The following C12orf50 variants were observed in gnomAD, a reference collection of about 807,000 sequenced individuals.
C12orf50 encodes zinc finger CCCH-type containing 11D.
Under a neutral mutation model 61.6 loss-of-function variants are expected in C12orf50, and 35 were observed. The ratio of observed to expected loss-of-function variants is 0.57; its 90% CI spans 0.43 to 0.75. C12orf50 has a LOEUF of 0.75. Ranked by LOEUF, C12orf50 falls within the 30% of genes least tolerant of loss-of-function variation. C12orf50 has a pLI of 0.00. For missense variants in C12orf50, 475 were observed against 488.5 expected (o/e 0.97, Z 0.26); for synonymous variants, 178 against 161.5 (o/e 1.10, Z -0.77).
intron 6 of C12orf50, among the ~76,000 whole-genome samples, chr12:87,995,443 C>T (rs2031337651): frequency 1.3e-5 from 2 of 152,006 alleles, no homozygotes; most frequent in East Asian, 1.9e-4. Context: ...CTTATTCTCT[C>T]GAACAATTCA....
At chr12:88,029,034 C>T (rs2032805597) in intron 1 of C12orf50, 1 of 1,167,646 alleles carries the variant, frequency 8.6e-7, no homozygotes, top group Non-Finnish European at 1.1e-6. Flanking sequence ...AAAGATTAAG[C>T]ATGTGAAGTA....
At chr12:87,981,127 T>C (rs2030446079) in intron 12 of C12orf50, among the ~76,000 whole-genome samples, 1 of 152,208 alleles carries the variant, frequency 6.6e-6, no homozygotes, top group Admixed American at 6.6e-5. Context: ...TTCCTCTGCA[T>C]GTAAATTTAG....
chr12:87,985,983 A>G lies in C12orf50; in HGVS notation c.993T>C (p.Asn331=). Residue 331 remains asparagine, a synonymous_variant, in exon 11 of 13, where the codon AAT becomes AAC. Transcript: ENST00000298699. ...CTCTTTGAACGTGGATATAGGATGC[A>G]TTCTCCGCATTTCGATTTTTATTAT... ...HRNNKNRNAE[N]ASYIHVQRDA... 1 of 1,613,902 alleles carries G rather than the reference A, an allele frequency of 6.2e-7. No individual in the cohort carries two copies. The highest frequency in any genetic ancestry group is 8.5e-7 in the Non-Finnish European group (1 of 1,179,876).
chr12:87,990,538 G>A (rs2031069206), intron 7 of C12orf50, among the ~76,000 whole-genome samples: 1 of 152,084 alleles, frequency 6.6e-6, no homozygotes, highest in Non-Finnish European at 1.5e-5. Context: ...AAAACAAACT[G>A]ATTGGAAAAC....
chr12:88,012,011 T>A (rs987042740), intron 3 of C12orf50, among the ~76,000 whole-genome samples: 4 of 152,180 alleles, frequency 2.6e-5, no homozygotes, highest in Admixed American at 2.6e-4. Flanking sequence ...GTAGAGAAAA[T>A]ATTTGCTTCA....
chr12:88,009,007 TTGAA>T (rs2031997418), intron 3 of C12orf50, among the ~76,000 whole-genome samples: 1 of 152,184 alleles, frequency 6.6e-6, no homozygotes, highest in Non-Finnish European at 1.5e-5. Context: ...CTGTCTAGTA[TTGAA>T]TGAATGTACC....
chr12:88,030,229 C>A (rs1032572788), upstream of C12orf50: 1 of 204,500 alleles, frequency 4.9e-6, no homozygotes, highest in South Asian at 1.8e-4. Flanking sequence ...GTGAAAGGCA[C>A]TTCTTACACT....
At chr12:88,029,022 A>G in intron 1 of C12orf50, 2 of 1,092,328 alleles carry the variant, frequency 1.8e-6, no homozygotes, top group Non-Finnish European at 2.3e-6. Context: ...TCATTCTACT[A>G]AAAAGATTAA....
At chr12:88,016,304 A>G (rs1273054950) in intron 3 of C12orf50, among the ~76,000 whole-genome samples, 2 of 152,280 alleles carry the variant, frequency 1.3e-5, no homozygotes, top group African/African-American at 4.8e-5. Context: ...TCAATTAATC[A>G]TATGCATTTA....
chr12:87,992,916 C>G (rs1193082914), intron 7 of C12orf50, among the ~76,000 whole-genome samples: 1 of 152,002 alleles, frequency 6.6e-6, no homozygotes, highest in Non-Finnish European at 1.5e-5. Context: ...CAGTTTTGAT[C>G]ATCTTCATTT....
At chr12:88,005,447 C>A (rs1249571657) in intron 3 of C12orf50, among the ~76,000 whole-genome samples, 1 of 152,100 alleles carries the variant, frequency 6.6e-6, no homozygotes, top group Non-Finnish European at 1.5e-5. Context: ...CTGTTGGTAT[C>A]ACACTGAGAT....
chr12:87,993,572 A>G (rs1364708996), intron 7 of C12orf50, among the ~76,000 whole-genome samples: 3 of 150,910 alleles, frequency 2.0e-5, no homozygotes, highest in African/African-American at 2.4e-5. Context: ...CCTTAGCACC[A>G]AAAAAAAAGG....
chr12:88,002,727 C>G (rs1439476088), intron 3 of C12orf50, among the ~76,000 whole-genome samples: 1 of 151,602 alleles, frequency 6.6e-6, no homozygotes, highest in Non-Finnish European at 1.5e-5. Context: ...GATTTAGGTA[C>G]ACTATTTTAC....
chr12:87,999,550 C>T (rs1490822854), intron 3 of C12orf50, among the ~76,000 whole-genome samples: 2 of 152,134 alleles, frequency 1.3e-5, no homozygotes, highest in Admixed American at 6.6e-5. Flanking sequence ...AAACTAGAAT[C>T]TTTGTACACT....
intron 3 of C12orf50, among the ~76,000 whole-genome samples, chr12:88,004,439 A>T (rs1438207545): frequency 6.6e-6 from 1 of 152,248 alleles, no homozygotes; most frequent in Non-Finnish European, 1.5e-5. Context: ...ATGCTTATAC[A>T]CTGCTAGTGG....
At chr12:87,980,453 G>A in intron 12 of C12orf50, 97 bp from the exon 13 acceptor site, 1 of 1,083,970 alleles carries the variant, frequency 9.2e-7, no homozygotes, top group Non-Finnish European at 1.4e-6. Context: ...AAATCTAAAG[G>A]CAAAGAAAAA....
At chr12:88,005,553 C>A (rs1245346070) in intron 3 of C12orf50, among the ~76,000 whole-genome samples, 1 of 152,210 alleles carries the variant, frequency 6.6e-6, no homozygotes, top group Non-Finnish European at 1.5e-5. Flanking sequence ...TAAATTGACT[C>A]CTTTGCAGAG....
Position 87,985,888 on chromosome 12 carries a change from A to G in C12orf50, c.1088T>C (p.Val363Ala), listed in dbSNP as rs771357371. The change falls in exon 11 of 13, where the codon GTC becomes GCC. Residue 363 changes from valine to alanine, a missense_variant. By Grantham distance (64) the Val-to-Ala change is moderately conservative. Coordinates refer to ENST00000298699, the MANE Select transcript of C12orf50 (RefSeq NM_152589.3). ...GGGTTTGGGTTCCCTGTTAGCATGG[A>G]CTTTATTGTAGGACCCATGCGTGGG... is the stretch of plus-strand genomic sequence containing the variant. ...SRPTHGSYNK[V>A]HANREPKPNL... 4 of 1,613,326 alleles carry G rather than the reference A, an allele frequency of 2.5e-6. No individual in the cohort carries two copies. In the Admixed American group the frequency reaches 5.0e-5, roughly 20 times the overall value.
At chr12:87,992,858 C>T (rs747301782) in intron 7 of C12orf50, among the ~76,000 whole-genome samples, 2 of 151,970 alleles carry the variant, frequency 1.3e-5, no homozygotes, top group Non-Finnish European at 1.5e-5. Flanking sequence ...CAAGACAATG[C>T]CTCAAGTATT....
Sources: gnomAD v4.1 joint callset for allele counts (sites outside exome capture counted in the v4.1 genomes callset) on GRCh38, gnomAD v4.1.1 for gene constraint, MANE v1.5 for transcripts, NCBI Gene and HGNC (gene_info 2026-07-23, HGNC 2026-07-21) for gene names.